Variants in HDAC9 observed in about 807,000 individuals in gnomAD.
HDAC9 encodes histone deacetylase 9.
Under a neutral mutation model 139.4 loss-of-function variants are expected in HDAC9, and 41 were observed. The ratio of observed to expected loss-of-function variants is 0.29; its 90% confidence interval spans 0.23 to 0.38. The LOEUF is 0.38. HDAC9 is among the 10% of genes least tolerant of loss of function. The pLI, the probability that HDAC9 is intolerant of heterozygous loss-of-function variation, is 1.00. For synonymous variants in HDAC9, 517 were observed against 476.2 expected, an observed-to-expected ratio of 1.09 and a Z score of -1.12; for missense variants, 1,147 against 1,297.0, an observed-to-expected ratio of 0.88 and a Z score of 1.78.
intron 12 of HDAC9, among the ~76,000 whole-genome samples, chr7:18,721,245 G>C (rs1016797329): frequency 9.2e-5 from 14 of 152,150 alleles, no homozygotes; most frequent in African/African-American, 2.9e-4. Context: ...TACAATTCAA[G>C]TTTCCTATGT....
intron 2 of HDAC9, among the ~76,000 whole-genome samples, chr7:18,527,190 G>T (rs1408032879): frequency 1.3e-5 from 2 of 152,152 alleles, no homozygotes; most frequent in Non-Finnish European, 2.9e-5. Flanking sequence ...GGACTAGGAA[G>T]TGGTAGTGGC....
intron 16 of HDAC9, among the ~76,000 whole-genome samples, chr7:18,784,806 T>C (rs1235382505): frequency 6.6e-6 from 1 of 152,124 alleles, no homozygotes; most frequent in Admixed American, 6.6e-5. Context: ...TATATTTCAC[T>C]TAACAGAATG....
At chr7:18,881,811 C>G (rs929979778) in intron 22 of HDAC9, among the ~76,000 whole-genome samples, 3 of 152,078 alleles carry the variant, frequency 2.0e-5, no homozygotes, top group Admixed American at 6.6e-5. Flanking sequence ...GGACTCAATG[C>G]CTTGTCTTCT....
At chr7:18,664,350 A>G (rs781544189) in intron 11 of HDAC9, among the ~76,000 whole-genome samples, 9 of 152,108 alleles carry the variant, frequency 5.9e-5, no homozygotes, top group Non-Finnish European at 1.2e-4. Flanking sequence ...TTTGATTGGT[A>G]TATGTTTTCT....
intron 24 of HDAC9, among the ~76,000 whole-genome samples, chr7:18,960,011 C>A (rs1783420998): frequency 1.5e-5 from 1 of 65,812 alleles, no homozygotes; most frequent in Non-Finnish European, 3.2e-5. Context: ...TTGTTTTAAA[C>A]ACACACACAC....
At chr7:18,851,640 T>C (rs1797307031) in intron 21 of HDAC9, among the ~76,000 whole-genome samples, 1 of 152,236 alleles carries the variant, frequency 6.6e-6, no homozygotes, top group South Asian at 2.1e-4. Context: ...AACTGCGTTT[T>C]TAATTTTCAA....
chr7:18,429,506 A>C (rs1790437547), intron 1 of HDAC9, among the ~76,000 whole-genome samples: 1 of 151,702 alleles, frequency 6.6e-6, no homozygotes. Context: ...AATGTCCTCA[A>C]TTGCAGATGG....
chr7:18,097,719 C>T (rs1044897178), intron 1 of HDAC9, among the ~76,000 whole-genome samples: 7 of 152,016 alleles, frequency 4.6e-5, no homozygotes, highest in African/African-American at 1.5e-4. Flanking sequence ...AGGCATATAC[C>T]ACCACACCTG....
At chr7:18,305,317 A>G (rs1171687408) in intron 1 of HDAC9, among the ~76,000 whole-genome samples, 2 of 152,232 alleles carry the variant, frequency 1.3e-5, no homozygotes, top group African/African-American at 2.4e-5. Context: ...TGCCTGACAC[A>G]TAGCAGGTTC....
chr7:18,983,143 G>A (rs183881295), intron 25 of HDAC9, among the ~76,000 whole-genome samples: 68 of 152,226 alleles, frequency 4.5e-4, no homozygotes, highest in Non-Finnish European at 1.5e-5. Context: ...CCATCATTCT[G>A]CTTTCTGTTT....
At chr7:18,346,208 C>T (rs1160324796) in intron 1 of HDAC9, among the ~76,000 whole-genome samples, 1 of 151,976 alleles carries the variant, frequency 6.6e-6, no homozygotes, top group Non-Finnish European at 1.5e-5. Flanking sequence ...TGCAAAAAAC[C>T]CAAAATGTTT....
At chr7:18,592,522 A>G (rs761402651) in intron 5 of HDAC9, among the ~76,000 whole-genome samples, 2 of 152,008 alleles carry the variant, frequency 1.3e-5, no homozygotes, top group Admixed American at 6.6e-5. Context: ...ACACTTATAT[A>G]TTTTTCAATC....
rs912791852 is a variant in HDAC9, at chr7:18,496,249, T to C, written c.-41-13T>C. On this transcript the variant is annotated splice_polypyrimidine_tract_variant and intron_variant, in intron 1 of 25. Transcript: ENST00000686413. ...GCAGACAATTTACGAGAGTGACTCCTGTTTTTCCTCAGATGGGGTGGCTGG... is the reference window on the plus strand; with the variant it reads ...GCAGACAATTTACGAGAGTGACTCCCGTTTTTCCTCAGATGGGGTGGCTGG... The C allele has an allele frequency of 1.2e-6, 2 of 1,612,812 alleles. No individual in the cohort carries two copies. The highest frequency in any genetic ancestry group is 8.5e-7 in the Non-Finnish European group (1 of 1,179,144).
chr7:18,627,229 A>G (rs1313869344), intron 6 of HDAC9, among the ~76,000 whole-genome samples: 1 of 152,158 alleles, frequency 6.6e-6, no homozygotes, highest in Non-Finnish European at 1.5e-5. Context: ...TTTCTAGTCC[A>G]CCCACTGCCT....
intron 1 of HDAC9, among the ~76,000 whole-genome samples, chr7:18,112,988 C>A (rs553827654): frequency 6.6e-6 from 1 of 151,434 alleles, no homozygotes; most frequent in South Asian, 2.1e-4. Context: ...ATGGTACAGG[C>A]GAAGGTGGAA....
intron 1 of HDAC9, among the ~76,000 whole-genome samples, chr7:18,097,328 A>T (rs567804791): frequency 1.3e-5 from 2 of 152,308 alleles, no homozygotes; most frequent in African/African-American, 4.8e-5. Flanking sequence ...AGTTGACTTC[A>T]TTCTTTCCTA....
chr7:18,786,800 CTTCCTTCCTTCCTTCCTTCA>C (rs1791848940), intron 16 of HDAC9, among the ~76,000 whole-genome samples: 2 of 62,036 alleles, frequency 3.2e-5, no homozygotes, highest in African/African-American at 1.7e-4. Context: ...TCTTTCTTTC[CTTCCTTCCTTCCTTCCTTCA>C]TTCCTTCCTT....
intron 2 of HDAC9, among the ~76,000 whole-genome samples, chr7:18,245,919 A>G (rs1213502201): frequency 6.6e-6 from 1 of 151,772 alleles, no homozygotes; most frequent in Non-Finnish European, 1.5e-5. Flanking sequence ...GTTAGTTACC[A>G]TGACTGGATC....
At chr7:18,145,293 A>G (rs548649057) in intron 1 of HDAC9, among the ~76,000 whole-genome samples, 2 of 152,328 alleles carry the variant, frequency 1.3e-5, no homozygotes, top group South Asian at 2.1e-4. Context: ...ATAAGAAGCA[A>G]TGAATAAGCA....
Sources: allele counts gnomAD v4.1 joint callset (sites outside exome capture counted in the v4.1 genomes callset), GRCh38; gene constraint gnomAD v4.1.1; transcripts MANE v1.5; gene names NCBI Gene and HGNC (gene_info 2026-07-23, HGNC 2026-07-21).